Variants in ATP6V0D1 observed in about 807,000 individuals in gnomAD.
ATP6V0D1 encodes V-type proton ATPase subunit d 1.
ATP6V0D1 carries 13 observed loss-of-function variants against 39.0 expected under a neutral mutation model. That is an observed-to-expected ratio of 0.33 (90% CI 0.22 to 0.53). The LOEUF is 0.53. Among genes scored for constraint, ATP6V0D1 ranks in the 20% least tolerant of loss-of-function variants. ATP6V0D1 has a pLI of 0.94. For missense variants in ATP6V0D1, 272 were observed against 470.9 expected, an observed-to-expected ratio of 0.58 and a Z score of 3.91; for synonymous variants, 191 against 191.2, an observed-to-expected ratio of 1.00 and a Z score of 0.01.
Position 67,453,736 on chromosome 16 carries a change from G to C in ATP6V0D1, c.131-21C>G. On this transcript the variant is annotated intron_variant, in intron 1 of 7. Transcript: ENST00000290949. This position sits in a 1 kb window ranked among gnomAD's most constrained non-coding sequence, Gnocchi z 4.1. ...CAAGTCTGAAACCCAAGGGTAGGGG[G>C]TAAGGGCTAGCCTTGCTGGGCCTCC... The C allele has an allele frequency of 1.2e-6, 2 of 1,611,836 alleles. No individual in the cohort carries two copies. The highest frequency in any genetic ancestry group is 2.2e-5 in the South Asian group (2 of 90,994).
intron 1 of ATP6V0D1, among the ~76,000 whole-genome samples, chr16:67,463,282 G>A (rs576070191): frequency 1.3e-5 from 2 of 152,248 alleles, no homozygotes; most frequent in African/African-American, 4.8e-5. Context: ...TGTAATCCCA[G>A]CACTTTGAGA....
At chr16:67,462,004 C>T (rs1021513610) in intron 1 of ATP6V0D1, among the ~76,000 whole-genome samples, 5 of 152,158 alleles carry the variant, frequency 3.3e-5, no homozygotes, top group Non-Finnish European at 7.4e-5. Flanking sequence ...GAAGTCAACT[C>T]GTTTGACAGT....
rs1249586530 is a variant in ATP6V0D1 at position 67,453,430 on chromosome 16, C to T, written c.302+114G>A. 1 of 1,295,802 alleles carries T rather than the reference C, an allele frequency of 7.7e-7. No homozygotes were observed. The highest frequency in any genetic ancestry group is 1.1e-6 in the Non-Finnish European group (1 of 922,154). 80.3% of individuals were successfully genotyped at this position (1,295,802 alleles called of 1,614,324 possible). Reference sequence around the variant, plus strand: ...TGGCCTGACAGAGCTGCCATCAGCTCTGACAGCTGACACAGGCACGAAGGC... The same window carrying T: ...TGGCCTGACAGAGCTGCCATCAGCTTTGACAGCTGACACAGGCACGAAGGC... On this transcript the variant is annotated intron_variant, in intron 2 of 7. Transcript: ENST00000290949. The surrounding 1 kb of genome is among the most constrained non-coding windows in gnomAD (Gnocchi z 4.1).
chr16:67,438,749 C>T (rs2041008019), intron 7 of ATP6V0D1, 44 bp downstream of exon 7: 2 of 1,614,162 alleles, frequency 1.2e-6, no homozygotes, highest in Middle Eastern at 1.6e-4. Flanking sequence ...AGGTCTAAAC[C>T]ACCAGGTTGG....
At chr16:67,461,543 C>T (rs2041289213) in intron 1 of ATP6V0D1, among the ~76,000 whole-genome samples, 1 of 152,210 alleles carries the variant, frequency 6.6e-6, no homozygotes, top group Non-Finnish European at 1.5e-5. Flanking sequence ...GCTGGCAGGC[C>T]AGTAGTCTTG....
intron 2 of ATP6V0D1, among the ~76,000 whole-genome samples, chr16:67,451,597 G>A (rs149446940): frequency 4.7e-4 from 71 of 152,340 alleles, no homozygotes; most frequent in African/African-American, 1.6e-3. Flanking sequence ...GGTCATTGGA[G>A]ATGACGAGGT....
In ATP6V0D1 at chr16:67,481,025, C is replaced by T; in HGVS notation, c.62G>A (p.Arg21His). The T allele has an allele frequency of 6.2e-7, 1 of 1,614,198 alleles. No homozygotes were observed. Among genetic ancestry groups the T allele is most frequent in the South Asian group, 1.1e-5 (1 of 91,092 alleles). The change falls in exon 1 of 8, where the codon CGC becomes CAC. Residue 21 changes from arginine to histidine, a missense_variant. By Grantham distance (29) the Arg-to-His change is conservative. This residue lies in a region of ATP6V0D1 where 81 missense variants were observed against 96.0 expected (regional missense o/e 0.84). Coordinates refer to ENST00000290949, the MANE Select transcript of ATP6V0D1 (RefSeq NM_004691.5). ...GCTGAGCACCCCGGCCTTCAGGCCG[C>T]GCACCAGTCCCTCCAAGTAGCCATT... is the stretch of plus-strand genomic sequence containing the variant. The part of the protein sequence containing the change: ...VDNGYLEGLV[R>H]GLKAGVLSQA...
rs1471333488 is a variant in ATP6V0D1 at position 67,474,237 on chromosome 16, T to C, written c.130+6720A>G. 2.0e-5 allele frequency among the ~76,000 whole-genome samples: 3 copies of C among 152,202 alleles called. No individual in the cohort carries two copies. The East Asian group carries it at 5.8e-4, about 29-fold the overall frequency. ...CTGGCCTCTCCAACTGTTCACTTGGTCCCAGGCCCTGTGCTTACACTTCAC... is the reference window on the plus strand; with the variant it reads ...CTGGCCTCTCCAACTGTTCACTTGGCCCCAGGCCCTGTGCTTACACTTCAC... On this transcript the variant is annotated intron_variant, in intron 1 of 7. Transcript: ENST00000290949.
intron 1 of ATP6V0D1, among the ~76,000 whole-genome samples, chr16:67,467,532 A>C (rs754504226): frequency 2.0e-5 from 3 of 152,170 alleles, no homozygotes; most frequent in Non-Finnish European, 4.4e-5. Context: ...TCACTCATCC[A>C]ATCAGGCAAA....
At chr16:67,469,567 G>A (rs2041356695) in intron 1 of ATP6V0D1, among the ~76,000 whole-genome samples, 2 of 152,116 alleles carry the variant, frequency 1.3e-5, no homozygotes, top group Non-Finnish European at 2.9e-5. Context: ...GGAGTCTTCA[G>A]GTGTAAAGAG....
In ATP6V0D1 at chr16:67,438,645, A is replaced by G. The variant is rs1374410312; in HGVS notation, c.939T>C (p.Gly313=). The G allele has an allele frequency of 1.5e-5, 24 of 1,614,108 alleles. No individual in the cohort carries two copies. Among genetic ancestry groups the G allele is most frequent in the Non-Finnish European group, 2.0e-5 (24 of 1,180,050 alleles). The stretch of plus-strand genomic sequence containing the variant: ...TGAGCTTCACGAAGGCATAGAAGAC[A>G]CCAAAGTGGAACTGGTTCAGGAAGG... ...KLAFLNQFHF[G]VFYAFVKLKE... is the part of the protein sequence containing the mutation. The change falls in exon 8 of 8, where the codon GGT becomes GGC. Residue 313 remains glycine (G), a synonymous_variant. Coordinates refer to ENST00000290949, the MANE Select transcript of ATP6V0D1 (RefSeq NM_004691.5).
At chr16:67,475,311 C>T (rs1054075105) in intron 1 of ATP6V0D1, among the ~76,000 whole-genome samples, 10 of 152,200 alleles carry the variant, frequency 6.6e-5, no homozygotes, top group Non-Finnish European at 1.2e-4. Context: ...TTGCGACTGG[C>T]GATTGGCCAA....
chr16:67,448,032 C>T (rs959106146), intron 2 of ATP6V0D1, among the ~76,000 whole-genome samples: 12 of 152,148 alleles, frequency 7.9e-5, no homozygotes, highest in African/African-American at 1.2e-4. Flanking sequence ...CACCACCTCT[C>T]GAGACTTAGT....
intron 1 of ATP6V0D1, among the ~76,000 whole-genome samples, chr16:67,468,482 G>A (rs1008137995): frequency 2.6e-5 from 4 of 151,890 alleles, no homozygotes. Context: ...TACATACTTG[G>A]GGGGCTGAGT....
intron 1 of ATP6V0D1, among the ~76,000 whole-genome samples, chr16:67,473,223 G>C (rs2041388705): frequency 3.3e-5 from 5 of 152,144 alleles, no homozygotes; most frequent in African/African-American, 1.2e-4. Context: ...TTGGGGCTGG[G>C]GGGGGTGGCG....
At chr16:67,466,973 T>A (rs1051055490) in intron 1 of ATP6V0D1, among the ~76,000 whole-genome samples, 4 of 151,972 alleles carry the variant, frequency 2.6e-5, no homozygotes, top group African/African-American at 9.7e-5. Flanking sequence ...AGCATGGGCA[T>A]CCTCAGCCCT....
intron 1 of ATP6V0D1, 150 bp downstream of exon 1, chr16:67,480,807 C>T: frequency 1.7e-6 from 2 of 1,195,382 alleles, no homozygotes; most frequent in Non-Finnish European, 2.3e-6. Flanking sequence ...AGAGGTAGAT[C>T]CCGCTCCTGC....
In ATP6V0D1 at chr16:67,447,925, T is replaced by C. The variant is rs1396328410; in HGVS notation, c.303-3219A>G. 6.6e-6 allele frequency among the ~76,000 whole-genome samples: 1 copy of C among 152,188 alleles called. No homozygotes were observed. The highest frequency in any genetic ancestry group is 1.9e-4 in the East Asian group (1 of 5,192). ...CTCCAGTGAGCTGCTAATGACAGTA[T>C]CTGTATTCAATCACTTCTGGGTCCT... is the stretch of plus-strand genomic sequence containing the variant. On this transcript the variant is annotated intron_variant, in intron 2 of 7. Coordinates refer to ENST00000290949, the MANE Select transcript of ATP6V0D1 (RefSeq NM_004691.5). The surrounding 1 kb of genome is among the most constrained non-coding windows in gnomAD (Gnocchi z 4.1).
intron 1 of ATP6V0D1, among the ~76,000 whole-genome samples, chr16:67,473,984 A>T (rs977625444): frequency 6.6e-6 from 1 of 152,192 alleles, no homozygotes; most frequent in Non-Finnish European, 1.5e-5. Flanking sequence ...CACCCCAAAA[A>T]TAAAGCCCAT....
Sources: allele counts gnomAD v4.1 joint callset (sites outside exome capture counted in the v4.1 genomes callset), GRCh38; gene constraint gnomAD v4.1.1; regional missense constraint gnomAD v4.1.1; non-coding constraint Gnocchi (gnomAD v3.1); transcripts MANE v1.5; gene names NCBI Gene and HGNC (gene_info 2026-07-23, HGNC 2026-07-21).